The following DRAM1 variants were observed in gnomAD, a reference collection of about 807,000 sequenced individuals.
The protein encoded by DRAM1 is DNA damage regulated autophagy modulator 1.
Under a neutral mutation model 28.5 loss-of-function variants are expected in DRAM1, and 25 were observed. That is an observed-to-expected ratio of 0.88 (90% CI 0.64 to 1.23). The LOEUF (loss-of-function observed/expected upper bound fraction) is 1.23, where lower values mean the gene tolerates loss of function less well. DRAM1 is among the 50% of genes most tolerant of loss of function. DRAM1 has a pLI of 0.00. For missense variants in DRAM1, 249 were observed against 299.2 expected, an observed-to-expected ratio of 0.83 and a Z score of 1.24; for synonymous variants, 113 against 114.2, an observed-to-expected ratio of 0.99 and a Z score of 0.07.
At chr12:101,903,294 G>A (rs1258628746) in intron 3 of DRAM1, among the ~76,000 whole-genome samples, 1 of 152,142 alleles carries the variant, frequency 6.6e-6, no homozygotes, top group Non-Finnish European at 1.5e-5. Flanking sequence ...GGGTGAGATG[G>A]CTACTTTTTG....
chr12:101,890,382 AT>A (rs11333939), intron 1 of DRAM1, among the ~76,000 whole-genome samples: 96,249 of 151,058 alleles, frequency 0.64, 32,261 homozygotes, highest in East Asian at 0.91. Context: ...GCCCGGCCCT[AT>A]TTTTTTTGGT....
chr12:101,884,017 G>A (rs973132812), intron 1 of DRAM1, among the ~76,000 whole-genome samples: 1 of 151,168 alleles, frequency 6.6e-6, no homozygotes, highest in Non-Finnish European at 1.5e-5. Flanking sequence ...AGCATAAAGT[G>A]ATATTTCTTA....
chr12:101,915,420 A>T (rs1212168373), intron 5 of DRAM1, among the ~76,000 whole-genome samples: 2 of 152,194 alleles, frequency 1.3e-5, no homozygotes, highest in East Asian at 3.8e-4. Flanking sequence ...TGTGGTGGAT[A>T]GTTCATTTCA....
At chr12:101,890,145 C>A in intron 1 of DRAM1, 1 of 436,704 alleles carries the variant, frequency 2.3e-6, no homozygotes, top group Non-Finnish European at 4.5e-6. Flanking sequence ...GTGGCACGAT[C>A]TTGGCTCACT....
intron 5 of DRAM1, among the ~76,000 whole-genome samples, chr12:101,918,273 A>G (rs1289550225): frequency 6.6e-6 from 1 of 152,254 alleles, no homozygotes; most frequent in Non-Finnish European, 1.5e-5. Flanking sequence ...CAAGGATATT[A>G]GGGCTTTGCC....
At position 101,883,561 on chromosome 12, in the gene DRAM1, A is replaced by G. The variant is rs944211552; in HGVS notation, c.131+5641A>G. ...GATCTCCTGACTTCATGATCCGCCC[A>G]CCTCGGCCTCCCAAAGTGCTGGGAT... On this transcript the variant is annotated intron_variant, in intron 1 of 6. Transcript: ENST00000258534. 6.2e-3 allele frequency among the ~76,000 whole-genome samples: 935 copies of G among 150,106 alleles called. 10 individuals carry two copies. The highest frequency in any genetic ancestry group is 0.021 in the African/African-American group (881 of 41,200).
chr12:101,890,502 G>GC lies in DRAM1; in HGVS notation c.132-7360dup, dbSNP rs1321243804. Reference sequence around the variant, plus strand: ...CCTCTTTATCACCATACTGGGCTAAGCACTCTGGACAAACTGCTAAAATAG... The same window carrying GC: ...CCTCTTTATCACCATACTGGGCTAAGCCACTCTGGACAAACTGCTAAAATAG... On this transcript the variant is annotated intron_variant, in intron 1 of 6. Coordinates refer to ENST00000258534, the MANE Select transcript of DRAM1 (RefSeq NM_018370.3). 9.5e-4 allele frequency among the ~76,000 whole-genome samples: 145 copies of GC among 152,140 alleles called. 1 individual carries two copies. The East Asian group carries it at 0.026, about 27-fold the overall frequency.
intron 1 of DRAM1, among the ~76,000 whole-genome samples, chr12:101,881,912 G>T (rs914602302): frequency 6.6e-6 from 1 of 152,074 alleles, no homozygotes; most frequent in African/African-American, 2.4e-5. Context: ...GTCCATGAAA[G>T]CTCTCAATAT....
At chr12:101,879,356 G>A (rs1001045198) in intron 1 of DRAM1, among the ~76,000 whole-genome samples, 3 of 152,224 alleles carry the variant, frequency 2.0e-5, no homozygotes, top group African/African-American at 7.2e-5. Flanking sequence ...CAAATTTGCA[G>A]TAATGATGGT....
intron 1 of DRAM1, among the ~76,000 whole-genome samples, chr12:101,886,206 A>G (rs533434916): frequency 6.6e-6 from 1 of 152,306 alleles, no homozygotes; most frequent in Admixed American, 6.5e-5. Flanking sequence ...TATTTACAAT[A>G]TTTAATAATA....
intron 1 of DRAM1, 58 bp from the exon 2 acceptor site, chr12:101,897,805 C>T: frequency 1.6e-6 from 2 of 1,273,026 alleles, no homozygotes; most frequent in Admixed American, 1.8e-5. Context: ...TACGTGTCTT[C>T]CCAGAGGTCT....
intron 1 of DRAM1, among the ~76,000 whole-genome samples, chr12:101,888,696 A>G (rs1479407163): frequency 6.8e-6 from 1 of 147,490 alleles, no homozygotes; most frequent in Non-Finnish European, 1.5e-5. Context: ...AATTATGAAT[A>G]TTTTTCTTCT....
At position 101,921,705 on chromosome 12, in the gene DRAM1, A is replaced by AT. The variant is rs991153371; in HGVS notation, c.*453dup. On this transcript the variant is annotated 3_prime_UTR_variant, in exon 7 of 7. Transcript: ENST00000258534. ...TTATTCTTAGTGAATGAACTGTATAATTTTTTTTATCAGGAGAGCACTTAT... is the reference window on the plus strand; with the variant it reads ...TTATTCTTAGTGAATGAACTGTATAATTTTTTTTTATCAGGAGAGCACTTAT... The AT allele has an allele frequency of 2.3e-4, 36 of 153,432 alleles. No individual in the cohort carries two copies. Among genetic ancestry groups the AT allele is most frequent in the Non-Finnish European group, 3.9e-4 (27 of 69,066 alleles). The allele number at this position is 153,432 out of a possible 1,614,324, so 9.5% of individuals were successfully genotyped here.
chr12:101,906,646 A>G (rs1177993016), intron 3 of DRAM1, among the ~76,000 whole-genome samples: 4 of 151,810 alleles, frequency 2.6e-5, no homozygotes, highest in African/African-American at 9.7e-5. Flanking sequence ...CTGAGGTCAT[A>G]AGTTCGAGAC....
chr12:101,887,140 C>T (rs539384027), intron 1 of DRAM1, among the ~76,000 whole-genome samples: 18 of 83,348 alleles, frequency 2.2e-4, no homozygotes, highest in African/African-American at 1.1e-3. Context: ...AGTGAAACTC[C>T]GTTTCAAAAA....
chr12:101,898,085 A>G lies in DRAM1; in HGVS notation c.199+155A>G, dbSNP rs531600045. Among the ~76,000 whole-genome samples the G allele has an allele frequency of 1.4e-4, 22 of 152,260 alleles. No homozygotes were observed. In the South Asian group the frequency reaches 4.6e-3, roughly 32 times the overall value. ...ATCCAGGCTGGAGTGCAGTGGCGTGATCACGGCTCACTGCAGCCTCAACCT... is the reference window on the plus strand; with the variant it reads ...ATCCAGGCTGGAGTGCAGTGGCGTGGTCACGGCTCACTGCAGCCTCAACCT... On this transcript the variant is annotated intron_variant, in intron 2 of 6. Coordinates refer to ENST00000258534, the MANE Select transcript of DRAM1 (RefSeq NM_018370.3).
At position 101,914,848 on chromosome 12, in the gene DRAM1, G is replaced by A. The variant is rs182678335; in HGVS notation, c.579+616G>A. Among the ~76,000 whole-genome samples the A allele has an allele frequency of 2.3e-3, 353 of 152,090 alleles. 1 individual carries two copies. The highest frequency in any genetic ancestry group is 6.4e-3 in the South Asian group (31 of 4,810). The stretch of plus-strand genomic sequence containing the variant: ...ATTTTTGTATTTTTAGTAGAGACAG[G>A]GTTTTTCCCATGTTGACCAGGCTGG... On this transcript the variant is annotated intron_variant, in intron 5 of 6. Transcript: ENST00000258534.
chr12:101,919,797 G>A (rs1447438600), intron 5 of DRAM1, among the ~76,000 whole-genome samples: 1 of 152,164 alleles, frequency 6.6e-6, no homozygotes, highest in Non-Finnish European at 1.5e-5. Flanking sequence ...TCTTTCTTCT[G>A]TTGAGTCCAA....
In DRAM1 at chr12:101,898,571, C is replaced by T. The variant is rs116094582; in HGVS notation, c.199+641C>T. 5.2e-3 allele frequency among the ~76,000 whole-genome samples: 785 copies of T among 152,284 alleles called. 10 individuals carry two copies. Among genetic ancestry groups the T allele is most frequent in the African/African-American group, 0.018 (753 of 41,562 alleles). On this transcript the variant is annotated intron_variant, in intron 2 of 6. Transcript: ENST00000258534. The stretch of plus-strand genomic sequence containing the variant: ...TTATGTAAGCCAAAGACACCCAATG[C>T]GTAAGCTAAGTTTCTCAAAGTGTAT...
Sources: allele counts gnomAD v4.1 joint callset (sites outside exome capture counted in the v4.1 genomes callset), GRCh38; gene constraint gnomAD v4.1.1; transcripts MANE v1.5; gene names NCBI Gene and HGNC (gene_info 2026-07-23, HGNC 2026-07-21).